BPNT1: variants seen among roughly 807,000 people sequenced by gnomAD.
BPNT1 encodes the protein 3'(2'),5'-bisphosphate nucleotidase 1.
Under a neutral mutation model 36.9 loss-of-function variants are expected in BPNT1, and 28 were observed. The observed-to-expected ratio is 0.76, with a 90% CI of 0.56 to 1.04. The LOEUF is 1.04. Ranked by LOEUF, BPNT1 falls within the 50% of genes least tolerant of loss-of-function variation. The pLI, the probability that BPNT1 is intolerant of heterozygous loss-of-function variation, is 0.00. For synonymous variants in BPNT1, 119 were observed against 130.9 expected (o/e 0.91, Z 0.62); for missense variants, 313 against 372.9 (o/e 0.84, Z 1.32).
chr1:220,059,564 T>G, intron 8 of BPNT1, 122 bp downstream of exon 8: 1 of 728,416 alleles, frequency 1.4e-6, no homozygotes, highest in South Asian at 2.3e-5. Flanking sequence ...GGATAATCTC[T>G]AAGCTGCCTT....
At chr1:220,082,118 A>AGAGT (rs1463112663) in intron 1 of BPNT1, among the ~76,000 whole-genome samples, 1 of 133,808 alleles carries the variant, frequency 7.5e-6, no homozygotes, top group Non-Finnish European at 1.6e-5. Context: ...AGAGAGAGAG[A>AGAGT]GAGTGTATAT....
chr1:220,067,464 C>A, intron 5 of BPNT1, 71 bp from the exon 6 acceptor site: 1 of 1,042,806 alleles, frequency 9.6e-7, no homozygotes, highest in South Asian at 1.6e-5. Context: ...ACATCAATTG[C>A]TCCAAGTTAG....
intron 6 of BPNT1, among the ~76,000 whole-genome samples, chr1:220,063,748 T>C (rs1222574606): frequency 1.3e-5 from 2 of 152,216 alleles, no homozygotes; most frequent in Non-Finnish European, 2.9e-5. Context: ...CAATACAATA[T>C]TGAAGAGTAG....
At chr1:220,087,289 G>A (rs538634090) in intron 1 of BPNT1, among the ~76,000 whole-genome samples, 6 of 152,246 alleles carry the variant, frequency 3.9e-5, no homozygotes, top group African/African-American at 7.2e-5. Context: ...GTTGCTGGGC[G>A]CGGTGGCCTG....
chr1:220,058,916 C>T lies in BPNT1; in HGVS notation c.855G>A (p.Leu285=). ...AGTAGTCATAATTCCTCAGTGTGGCCAGGACTCCTGCAGAGTTCATATGCT... is the reference window on the plus strand; with the variant it reads ...AGTAGTCATAATTCCTCAGTGTGGCTAGGACTCCTGCAGAGTTCATATGCT... ...DVKHMNSAGV[L]ATLRNYDYYA... The change falls in exon 9 of 9, where the codon CTG becomes CTA. Residue 285 remains leucine, a synonymous_variant. Transcript: ENST00000322067. The T allele has an allele frequency of 6.2e-7, 1 of 1,613,930 alleles. No homozygotes were observed. Among genetic ancestry groups the T allele is most frequent in the Non-Finnish European group, 8.5e-7 (1 of 1,179,848 alleles).
At chr1:220,062,058 A>T (rs1333121661) in intron 7 of BPNT1, among the ~76,000 whole-genome samples, 1 of 151,728 alleles carries the variant, frequency 6.6e-6, no homozygotes, top group Non-Finnish European at 1.5e-5. Context: ...AAAAAACTTG[A>T]TTCTTAAATT....
At chr1:220,086,531 C>T (rs1326222698) in intron 1 of BPNT1, among the ~76,000 whole-genome samples, 2 of 151,788 alleles carry the variant, frequency 1.3e-5, no homozygotes, top group African/African-American at 4.8e-5. Flanking sequence ...TCCTCGGCCT[C>T]CCAAGGTGCT....
intron 7 of BPNT1, 117 bp downstream of exon 7, chr1:220,062,640 G>GTATATA (rs1349509319): frequency 9.5e-7 from 1 of 1,047,624 alleles, no homozygotes; most frequent in East Asian, 2.5e-5. Context: ...ATGATTTATA[G>GTATATA]TCCTTTGGGT....
Position 220,074,087 on chromosome 1 carries a change from CA to C in BPNT1, c.121-17del. ...TTGCACAGGTCTGTAATAAAGAATG[CA>C]AATTTTAGCAGAGCTAATGAAAAAT... On this transcript the variant is annotated splice_polypyrimidine_tract_variant and intron_variant, in intron 2 of 8. Coordinates refer to ENST00000322067, the MANE Select transcript of BPNT1 (RefSeq NM_006085.6). 6.2e-7 allele frequency: 1 copy of C among 1,603,254 alleles called. No homozygotes were observed. The highest frequency in any genetic ancestry group is 8.5e-7 in the Non-Finnish European group (1 of 1,175,396).
intron 2 of BPNT1, among the ~76,000 whole-genome samples, chr1:220,077,333 G>A (rs1664640501): frequency 1.3e-5 from 2 of 151,646 alleles, no homozygotes; most frequent in Non-Finnish European, 2.9e-5. Context: ...TCTATGAGCA[G>A]GCCCATAAAT....
At chr1:220,077,774 C>A (rs746774659) in intron 2 of BPNT1, among the ~76,000 whole-genome samples, 1 of 152,120 alleles carries the variant, frequency 6.6e-6, no homozygotes, top group Non-Finnish European at 1.5e-5. Flanking sequence ...TTAACTCACT[C>A]TATTTTAAAT....
intron 2 of BPNT1, 68 bp from the exon 3 acceptor site, chr1:220,074,139 T>C (rs1470964446): frequency 7.3e-7 from 1 of 1,373,190 alleles, no homozygotes; most frequent in African/African-American, 1.4e-5. Flanking sequence ...TCCTTGTGCA[T>C]GAGTGCCTAC....
chr1:220,086,645 G>C (rs1051690358), intron 1 of BPNT1, among the ~76,000 whole-genome samples: 4 of 151,408 alleles, frequency 2.6e-5, no homozygotes, highest in African/African-American at 9.7e-5. Context: ...GCGAGATCAC[G>C]GCTCACTGCA....
At chr1:220,067,220 A>G in intron 6 of BPNT1, 82 bp downstream of exon 6, 2 of 752,266 alleles carry the variant, frequency 2.7e-6, no homozygotes, top group Admixed American at 3.3e-5. Flanking sequence ...GCTAAAAACC[A>G]CTTGCTTAGG....
At chr1:220,072,984 A>C (rs1558089655) in intron 3 of BPNT1, 27 bp from the exon 4 acceptor site, 2 of 1,566,794 alleles carry the variant, frequency 1.3e-6, no homozygotes, top group Admixed American at 3.3e-5. Context: ...CCTAATGGTT[A>C]CTGAAGCTGT....
rs940748670 is a variant in BPNT1 at position 220,058,171 on chromosome 1, G to A, written c.*673C>T. Reference sequence around the variant, plus strand: ...AGCCTAGGCTACAGAGCGAGACTCCGTCTCAGGAAAAAAAAAGAGAAATCT... The same window carrying A: ...AGCCTAGGCTACAGAGCGAGACTCCATCTCAGGAAAAAAAAAGAGAAATCT... On this transcript the variant is annotated 3_prime_UTR_variant, in exon 9 of 9. Coordinates refer to ENST00000322067, the MANE Select transcript of BPNT1 (RefSeq NM_006085.6). 9.0e-5 allele frequency: 89 copies of A among 989,294 alleles called. No individual in the cohort carries two copies. The East Asian group carries it at 1.5e-3, about 16-fold the overall frequency. The allele number at this position is 989,294 out of a possible 1,614,324, so 61.3% of individuals were successfully genotyped here. A position where few individuals can be genotyped will look rare whatever the true frequency, so the allele number is the denominator to read the frequency against.
rs1662680834 is a variant in BPNT1, at chr1:220,058,012, CT to C, written c.*831del. On this transcript the variant is annotated 3_prime_UTR_variant, in exon 9 of 9. Transcript: ENST00000322067. Reference sequence around the variant, plus strand: ...CTAACACGGTGAAACACCTTCTCTACTAAAAATACAAAAAATTAGCCAGGCG... The same window carrying C: ...CTAACACGGTGAAACACCTTCTCTACAAAAATACAAAAAATTAGCCAGGCG... 1 of 582,750 alleles carries C rather than the reference CT, an allele frequency of 1.7e-6. No homozygotes were observed. Among genetic ancestry groups the C allele is most frequent in the Non-Finnish European group, 2.5e-6 (1 of 395,648 alleles). The allele number at this position is 582,750 out of a possible 1,614,324, so 36.1% of individuals were successfully genotyped here. A position where few individuals can be genotyped will look rare whatever the true frequency, so the allele number is the denominator to read the frequency against.
In BPNT1 at chr1:220,062,836, T is replaced by G; in HGVS notation, c.593A>C (p.His198Pro). Residue 198 changes from histidine to proline, a missense_variant, in exon 7 of 9, where the codon CAT becomes CCT. Transcript: ENST00000322067. ...GKHIITTTRS[H>P]SNKLVTDCVA... Reference sequence around the variant, plus strand: ...ACAGTCAGTAACCAACTTGTTGCTATGGGATCGAGTAGTTGTGATAATGTG... The same window carrying G: ...ACAGTCAGTAACCAACTTGTTGCTAGGGGATCGAGTAGTTGTGATAATGTG... The G allele has an allele frequency of 6.2e-7, 1 of 1,614,156 alleles. No homozygotes were observed. The highest frequency in any genetic ancestry group is 1.3e-5 in the African/African-American group (1 of 75,038).
In BPNT1 at chr1:220,062,923, A is replaced by C. The variant is rs1663189128; in HGVS notation, c.506T>G (p.Ile169Ser). 1 of 1,614,040 alleles carries C rather than the reference A, an allele frequency of 6.2e-7. No individual in the cohort carries two copies. The highest frequency in any genetic ancestry group is 1.3e-5 in the African/African-American group (1 of 74,928). Residue 169 changes from isoleucine (I) to serine (S), a missense_variant, in exon 7 of 9, where the codon ATC (isoleucine) becomes AGC (serine). Transcript: ENST00000322067. ...GGCGCCTAAACCTAAAACTCCCCAG[A>C]TTGTCCTCCCCAACACAGCATCTGG... ...AGPDAVLGRT[I>S]WGVLGLGAFG...
Sources: gnomAD v4.1 joint callset for allele counts (sites outside exome capture counted in the v4.1 genomes callset) on GRCh38, gnomAD v4.1.1 for gene constraint, MANE v1.5 for transcripts, NCBI Gene and HGNC (gene_info 2026-07-23, HGNC 2026-07-21) for gene names.